SPIDR: variants seen among roughly 807,000 people sequenced by gnomAD.
SPIDR encodes the protein DNA repair-scaffolding protein.
A neutral mutation model predicts 104.6 loss-of-function variants in SPIDR; 93 were observed. The ratio of observed to expected loss-of-function variants is 0.89; its 90% CI spans 0.75 to 1.06. SPIDR has a LOEUF of 1.06. Ranked by LOEUF, SPIDR falls within the 50% of genes least tolerant of loss-of-function variation. The pLI is 0.00. For synonymous variants in SPIDR, 431 were observed against 416.9 expected (o/e 1.03, Z -0.41); for missense variants, 1,154 against 1,111.2 (o/e 1.04, Z -0.55).
intron 5 of SPIDR, among the ~76,000 whole-genome samples, chr8:47,310,756 A>C (rs1313057417): frequency 1.3e-5 from 2 of 152,200 alleles, no homozygotes; most frequent in East Asian, 3.8e-4. Flanking sequence ...TCTGCATAAA[A>C]GTCTTAGGCT....
At chr8:47,560,057 A>G (rs1387667500) in intron 8 of SPIDR, among the ~76,000 whole-genome samples, 3 of 152,188 alleles carry the variant, frequency 2.0e-5, no homozygotes, top group East Asian at 3.9e-4. Context: ...GTGTGCTTAC[A>G]TTGACAAGCC....
At chr8:47,469,688 CAGAG>C (rs753278042) in intron 8 of SPIDR, among the ~76,000 whole-genome samples, 2 of 152,016 alleles carry the variant, frequency 1.3e-5, no homozygotes, top group Admixed American at 6.6e-5. Flanking sequence ...CATTGACACA[CAGAG>C]AGGAACAACA....
At chr8:47,421,494 T>C (rs1483349832) in intron 7 of SPIDR, among the ~76,000 whole-genome samples, 1 of 152,232 alleles carries the variant, frequency 6.6e-6, no homozygotes, top group African/African-American at 2.4e-5. Flanking sequence ...CATTGGTTAT[T>C]CTAGTTAGCC....
intron 10 of SPIDR, among the ~76,000 whole-genome samples, chr8:47,616,935 A>G (rs1419300654): frequency 6.6e-6 from 1 of 152,172 alleles, no homozygotes; most frequent in African/African-American, 2.4e-5. Context: ...ATGTCTCCTT[A>G]GGCTCCTGTA....
At chr8:47,642,002 C>T (rs2069110719) in intron 10 of SPIDR, among the ~76,000 whole-genome samples, 1 of 152,158 alleles carries the variant, frequency 6.6e-6, no homozygotes, top group Non-Finnish European at 1.5e-5. Flanking sequence ...CATGGTATTC[C>T]AGCCAGAGTG....
chr8:47,366,649 C>T (rs947729001), intron 5 of SPIDR, among the ~76,000 whole-genome samples: 10 of 150,802 alleles, frequency 6.6e-5, no homozygotes, highest in African/African-American at 2.2e-4. Context: ...GGCAGGCTGG[C>T]GCCTGGTGGT....
chr8:47,498,786 A>C (rs187506969), intron 8 of SPIDR, among the ~76,000 whole-genome samples: 1 of 152,324 alleles, frequency 6.6e-6, no homozygotes, highest in East Asian at 1.9e-4. Context: ...TGTCTTTGCT[A>C]TAAAAGAAAG....
Position 47,586,694 on chromosome 8 carries a change from A to G in SPIDR, c.1098-9117A>G, listed in dbSNP as rs184458087. ...CCCTATGTCTCTAGCTTGTCTTTCC[A>G]TCCTCCAAAGGGGGTCTTTCTTAGA... On this transcript the variant is annotated intron_variant, in intron 8 of 19. Coordinates refer to ENST00000297423, the MANE Select transcript of SPIDR (RefSeq NM_001080394.4). Among the ~76,000 whole-genome samples, 8 of 152,180 alleles carry G rather than the reference A, an allele frequency of 5.3e-5. 1 individual carries two copies. In the South Asian group the frequency reaches 1.2e-3, roughly 24 times the overall value.
chr8:47,400,493 G>A (rs1554661753), intron 6 of SPIDR, among the ~76,000 whole-genome samples: 1 of 152,140 alleles, frequency 6.6e-6, no homozygotes, highest in Non-Finnish European at 1.5e-5. Flanking sequence ...TGCCTTGTCT[G>A]CTTTTGATGA....
chr8:47,722,584 T>A (rs984120387), intron 16 of SPIDR, among the ~76,000 whole-genome samples: 1 of 152,234 alleles, frequency 6.6e-6, no homozygotes, highest in South Asian at 2.1e-4. Context: ...ACTCTTCTTT[T>A]CCATCTACCT....
At chr8:47,489,321 AACT>A (rs1378313789) in intron 8 of SPIDR, among the ~76,000 whole-genome samples, 1 of 152,192 alleles carries the variant, frequency 6.6e-6, no homozygotes, top group Non-Finnish European at 1.5e-5. Context: ...CTTCAAGGAG[AACT>A]ACAAACCACT....
intron 11 of SPIDR, among the ~76,000 whole-genome samples, chr8:47,674,191 G>C (rs2076141626): frequency 6.6e-6 from 1 of 152,122 alleles, no homozygotes; most frequent in Non-Finnish European, 1.5e-5. Context: ...AAAATGTTAT[G>C]TATGTCTTTT....
intron 6 of SPIDR, among the ~76,000 whole-genome samples, chr8:47,396,945 G>A (rs529487405): frequency 3.9e-5 from 6 of 152,200 alleles, no homozygotes; most frequent in East Asian, 1.9e-4. Flanking sequence ...TGTGTAAATC[G>A]TGTCAGATTA....
intron 10 of SPIDR, among the ~76,000 whole-genome samples, chr8:47,637,111 T>C (rs991772090): frequency 6.6e-6 from 1 of 152,214 alleles, no homozygotes; most frequent in African/African-American, 2.4e-5. Context: ...TCGCATTTCC[T>C]TAGTGTTTAC....
chr8:47,578,600 A>G (rs1564383634), intron 8 of SPIDR, among the ~76,000 whole-genome samples: 1 of 152,220 alleles, frequency 6.6e-6, no homozygotes, highest in Non-Finnish European at 1.5e-5. Flanking sequence ...AATGAAGCCA[A>G]ATGTCTGAAA....
At chr8:47,321,934 T>A (rs186437685) in intron 5 of SPIDR, among the ~76,000 whole-genome samples, 153 of 152,158 alleles carry the variant, frequency 1.0e-3, no homozygotes, top group African/African-American at 3.3e-3. Context: ...CACCTTATAC[T>A]AAAATTAATT....
intron 7 of SPIDR, among the ~76,000 whole-genome samples, chr8:47,419,570 C>G (rs1466165464): frequency 1.3e-5 from 2 of 152,130 alleles, no homozygotes; most frequent in South Asian, 2.1e-4. Context: ...AAAAAACCAG[C>G]TCCTGGATTC....
At chr8:47,529,145 G>T (rs2085505186) in intron 8 of SPIDR, among the ~76,000 whole-genome samples, 1 of 152,148 alleles carries the variant, frequency 6.6e-6, no homozygotes, top group South Asian at 2.1e-4. Flanking sequence ...AAGGAGGCCG[G>T]GCCCGGTGGC....
intron 5 of SPIDR, among the ~76,000 whole-genome samples, chr8:47,366,894 T>G (rs1554634962): frequency 6.6e-6 from 1 of 152,252 alleles, no homozygotes; most frequent in Admixed American, 6.5e-5. Context: ...CATAAAATTC[T>G]TTATTGATGC....
Sources: allele counts gnomAD v4.1 joint callset (sites outside exome capture counted in the v4.1 genomes callset), GRCh38; gene constraint gnomAD v4.1.1; transcripts MANE v1.5; gene names NCBI Gene and HGNC (gene_info 2026-07-23, HGNC 2026-07-21).